Variants in ACSM1 observed in about 807,000 individuals in gnomAD.
ACSM1 encodes acyl-CoA synthetase medium chain family member 1.
In ACSM1, 79 loss-of-function variants were observed where a neutral mutation model predicts 75.8. The observed-to-expected ratio is 1.04, with a 90% CI of 0.87 to 1.26. The LOEUF is 1.26. Among genes scored for constraint, ACSM1 ranks in the 50% most tolerant of loss-of-function variants. The pLI, the probability that ACSM1 is intolerant of heterozygous loss-of-function variation, is 0.00. For synonymous variants in ACSM1, 279 were observed against 265.8 expected, an observed-to-expected ratio of 1.05 and a Z score of -0.48; for missense variants, 676 against 720.1, an observed-to-expected ratio of 0.94 and a Z score of 0.70.
At chr16:20,640,331 G>A in intron 8 of ACSM1, 130 bp downstream of exon 8, 1 of 1,060,518 alleles carries the variant, frequency 9.4e-7, no homozygotes, top group Non-Finnish European at 1.4e-6. Flanking sequence ...TTTAAATATT[G>A]AAGCCCTCAA....
At chr16:20,691,751 ATGTGTGTGTGTG>A (rs59929923) in intron 1 of ACSM1, among the ~76,000 whole-genome samples, 3,797 of 134,050 alleles carry the variant, frequency 0.028, 57 homozygotes, top group African/African-American at 0.034. Context: ...TACCTCTCCA[ATGTGTGTGTGTG>A]TGTGTGTGTG....
chr16:20,687,989 G>T (rs150143425), intron 2 of ACSM1, among the ~76,000 whole-genome samples: 7,411 of 151,964 alleles, frequency 0.049, 588 homozygotes, highest in African/African-American at 0.17. Flanking sequence ...GGAGGCTGAG[G>T]CAGGAGAATT....
intron 7 of ACSM1, among the ~76,000 whole-genome samples, chr16:20,646,463 AG>A (rs1214258028): frequency 2.6e-5 from 4 of 152,128 alleles, no homozygotes; most frequent in Non-Finnish European, 5.9e-5. Context: ...ATTGAGGGCC[AG>A]GGGGTTAACT....
chr16:20,653,638 T>G (rs2018775656), intron 7 of ACSM1, among the ~76,000 whole-genome samples: 1 of 152,034 alleles, frequency 6.6e-6, no homozygotes, highest in African/African-American at 2.4e-5. Flanking sequence ...AAATCATGAG[T>G]GAACTCCCAT....
chr16:20,679,658 ATAC>A (rs1257388945), intron 4 of ACSM1: 1 of 152,164 alleles, frequency 6.6e-6, no homozygotes, highest in Non-Finnish European at 1.5e-5. Context: ...CACTGTGTAC[ATAC>A]TACCTGGGTA....
chr16:20,665,659 A>T (rs1179532975), intron 6 of ACSM1, among the ~76,000 whole-genome samples: 1 of 152,142 alleles, frequency 6.6e-6, no homozygotes, highest in East Asian at 1.9e-4. Context: ...TTTTGGCACC[A>T]AAATATGGCA....
intron 3 of ACSM1, among the ~76,000 whole-genome samples, chr16:20,683,126 ATT>A (rs60633738): frequency 2.7e-5 from 4 of 148,238 alleles, no homozygotes; most frequent in Admixed American, 2.7e-4. Context: ...TTATTTATTT[ATT>A]TTTTTTTAAG....
In ACSM1 at chr16:20,685,165, TC is replaced by T. The variant is rs1423377042; in HGVS notation, c.403+27del. On this transcript the variant is annotated intron_variant, in intron 3 of 13. Coordinates refer to ENST00000520010, the MANE Select transcript of ACSM1 (RefSeq NM_001318890.3). ...CATTGGTTCTAGAACAGCCCCGAGG[TC>T]CACCAGGTCCCTCTTGCATCACTGA... 1.9e-6 allele frequency: 3 copies of T among 1,612,646 alleles called. No homozygotes were observed. In the East Asian group the frequency reaches 6.7e-5, roughly 36 times the overall value.
At chr16:20,690,849 T>C in intron 2 of ACSM1, 148 bp downstream of exon 2, 1 of 719,976 alleles carries the variant, frequency 1.4e-6, no homozygotes, top group Non-Finnish European at 2.2e-6. Context: ...AGGCTGGGAA[T>C]AGAACCTTGA....
chr16:20,686,255 A>C (rs1215071809), intron 2 of ACSM1, among the ~76,000 whole-genome samples: 1 of 152,190 alleles, frequency 6.6e-6, no homozygotes, highest in Admixed American at 6.5e-5. Context: ...GGGCAGTAAC[A>C]AAGCAGACTA....
At chr16:20,623,926 G>A (rs575583276) in intron 13 of ACSM1, among the ~76,000 whole-genome samples, 170 bp downstream of exon 13, 1 of 152,358 alleles carries the variant, frequency 6.6e-6, no homozygotes, top group Admixed American at 6.5e-5. Flanking sequence ...GAGATGTGGA[G>A]GGCAGGGCCA....
chr16:20,642,699 G>T (rs571761025), intron 7 of ACSM1, among the ~76,000 whole-genome samples: 2 of 152,314 alleles, frequency 1.3e-5, no homozygotes, highest in Admixed American at 6.5e-5. Flanking sequence ...TTTAACAACT[G>T]GAACTGGGTC....
chr16:20,629,032 T>C (rs946976949), intron 10 of ACSM1, among the ~76,000 whole-genome samples: 1 of 152,222 alleles, frequency 6.6e-6, no homozygotes, highest in African/African-American at 2.4e-5. Context: ...TCTGAGTATA[T>C]CAAGTTGATT....
chr16:20,625,857 AT>A (rs1229419375), intron 11 of ACSM1, among the ~76,000 whole-genome samples: 1 of 152,180 alleles, frequency 6.6e-6, no homozygotes, highest in Non-Finnish European at 1.5e-5. Context: ...ATTCATGCAA[AT>A]TCTGCATACT....
chr16:20,630,102 T>C (rs947953654), intron 10 of ACSM1, among the ~76,000 whole-genome samples: 1 of 150,744 alleles, frequency 6.6e-6, no homozygotes, highest in Non-Finnish European at 1.5e-5. Flanking sequence ...GTTATACTAA[T>C]ATCCGACAGA....
chr16:20,680,765 C>A (rs932643955), intron 4 of ACSM1: 1 of 152,216 alleles, frequency 6.6e-6, no homozygotes, highest in Non-Finnish European at 1.5e-5. Context: ...CCATTCTCTA[C>A]CCTAAGCCAC....
At chr16:20,633,652 G>A (rs1328830723) in intron 10 of ACSM1, among the ~76,000 whole-genome samples, 1 of 141,020 alleles carries the variant, frequency 7.1e-6, no homozygotes, top group African/African-American at 2.8e-5. Context: ...ATGGTTTTTT[G>A]TTGTTGTTGC....
At chr16:20,625,291 G>A (rs1300774975) in intron 12 of ACSM1, 132 bp downstream of exon 12, 2 of 805,914 alleles carry the variant, frequency 2.5e-6, no homozygotes, top group South Asian at 1.8e-5. Flanking sequence ...GTCCCCTGGT[G>A]CCATACCGTG....
chr16:20,623,442 G>A lies in ACSM1; in HGVS notation c.*44C>T, dbSNP rs763689937. 1 of 1,578,996 alleles carries A rather than the reference G, an allele frequency of 6.3e-7. No homozygotes were observed. Among genetic ancestry groups the A allele is most frequent in the South Asian group, 1.1e-5 (1 of 90,128 alleles). On this transcript the variant is annotated 3_prime_UTR_variant, in exon 14 of 14. Coordinates refer to ENST00000520010, the MANE Select transcript of ACSM1 (RefSeq NM_001318890.3). The stretch of plus-strand genomic sequence containing the variant: ...CATAGTGGGGAGACTAAAGTGGCCA[G>A]GGATTTGCCTTAGGTGTGCAGTGCG...
Sources: allele counts gnomAD v4.1 joint callset (sites outside exome capture counted in the v4.1 genomes callset), GRCh38; gene constraint gnomAD v4.1.1; transcripts MANE v1.5; gene names NCBI Gene and HGNC (gene_info 2026-07-23, HGNC 2026-07-21).